OPCML: variants seen among roughly 807,000 people sequenced by gnomAD.
The protein encoded by OPCML is opioid-binding protein/cell adhesion molecule.
In OPCML, 13 loss-of-function variants were observed where a neutral mutation model predicts 37.8. The observed-to-expected ratio is 0.34, with a 90% CI of 0.22 to 0.55. The LOEUF (loss-of-function observed/expected upper bound fraction) is 0.55, where lower values mean the gene tolerates loss of function less well. Ranked by LOEUF, OPCML falls within the 20% of genes least tolerant of loss-of-function variation. OPCML has a pLI of 0.91. For synonymous variants in OPCML, 176 were observed against 168.8 expected (o/e 1.04, Z -0.33); for missense variants, 341 against 435.6 (o/e 0.78, Z 1.93).
intron 2 of OPCML, among the ~76,000 whole-genome samples, chr11:132,921,772 T>C (rs140902928): frequency 0.017 from 2,612 of 152,330 alleles, 45 homozygotes; most frequent in Middle Eastern, 0.048. Flanking sequence ...TGCAGTCATC[T>C]TGTAGCCATA....
chr11:133,078,681 G>T (rs1357823884), intron 1 of OPCML, among the ~76,000 whole-genome samples: 1 of 152,122 alleles, frequency 6.6e-6, no homozygotes, highest in Admixed American at 6.5e-5. Flanking sequence ...TAAGGTTCTG[G>T]GATGCACCAC....
chr11:133,351,012 C>A (rs1319874260), intron 1 of OPCML, among the ~76,000 whole-genome samples: 1 of 152,080 alleles, frequency 6.6e-6, no homozygotes, highest in Non-Finnish European at 1.5e-5. Context: ...GTCTCTATCT[C>A]CATAAAATTA....
intron 1 of OPCML, among the ~76,000 whole-genome samples, chr11:133,149,587 C>G (rs184770206): frequency 1.3e-5 from 2 of 152,306 alleles, no homozygotes; most frequent in Non-Finnish European, 2.9e-5. Flanking sequence ...CCCACCCGCA[C>G]GCTTGATGTT....
chr11:133,286,283 T>C (rs1447564925), intron 1 of OPCML, among the ~76,000 whole-genome samples: 1 of 151,860 alleles, frequency 6.6e-6, no homozygotes, highest in African/African-American at 2.4e-5. Flanking sequence ...AACCCGTCTC[T>C]ACTAAAAATA....
At chr11:132,621,192 C>T (rs76704835) in intron 3 of OPCML, among the ~76,000 whole-genome samples, 16,926 of 152,168 alleles carry the variant, frequency 0.11, 1,587 homozygotes, top group African/African-American at 0.24. Flanking sequence ...TTAAGTGAAA[C>T]GTTCAAATAT....
chr11:132,640,269 C>T (rs888221986), intron 3 of OPCML, among the ~76,000 whole-genome samples: 3 of 152,128 alleles, frequency 2.0e-5, no homozygotes, highest in African/African-American at 7.2e-5. Flanking sequence ...GGACTGCAAA[C>T]ATCAGTGCGT....
At position 133,076,155 on chromosome 11, in the gene OPCML, G is replaced by T. The variant is rs937055061; in HGVS notation, c.62-133145C>A. Among the ~76,000 whole-genome samples the T allele has an allele frequency of 7.2e-5, 11 of 151,918 alleles. No individual in the cohort carries two copies. The East Asian group carries it at 2.1e-3, about 29-fold the overall frequency. Reference sequence around the variant, plus strand: ...TTTTTTTCATACAATAGGGTGGTGGGATATGTATTATTTTGTACTTCATTT... The same window carrying T: ...TTTTTTTCATACAATAGGGTGGTGGTATATGTATTATTTTGTACTTCATTT... On this transcript the variant is annotated intron_variant, in intron 1 of 7. Transcript: ENST00000524381.
chr11:133,423,646 G>A (rs1565626487), intron 1 of OPCML, among the ~76,000 whole-genome samples: 1 of 152,222 alleles, frequency 6.6e-6, no homozygotes. Flanking sequence ...AATTCTCAGT[G>A]TTATTTGTGG....
chr11:133,204,058 C>CAAAAAAAAAAAA (rs58343203), intron 1 of OPCML, among the ~76,000 whole-genome samples: 22 of 66,494 alleles, frequency 3.3e-4, no homozygotes, highest in Non-Finnish European at 4.1e-4. Context: ...GACTCTGTCT[C>CAAAAAAAAAAAA]AAAAAAAAAA....
chr11:133,372,732 G>C (rs551153833), intron 1 of OPCML, among the ~76,000 whole-genome samples: 2 of 152,282 alleles, frequency 1.3e-5, no homozygotes, highest in Admixed American at 6.5e-5. Context: ...AAGACTCACT[G>C]AGTTCCCTAA....
At chr11:133,078,402 G>A (rs561986385) in intron 1 of OPCML, among the ~76,000 whole-genome samples, 101 of 152,298 alleles carry the variant, frequency 6.6e-4, no homozygotes, top group Non-Finnish European at 1.2e-3. Context: ...CACTGCATGT[G>A]TGCAGGGACT....
intron 4 of OPCML, among the ~76,000 whole-genome samples, chr11:132,516,615 T>C (rs2096280389): frequency 6.6e-6 from 1 of 152,116 alleles, no homozygotes; most frequent in African/African-American, 2.4e-5. Context: ...GGGTGGAGCA[T>C]ATCATCCCAA....
rs1185203209 is a variant in OPCML, at chr11:132,418,813, G to A, written c.*1380C>T. On this transcript the variant is annotated 3_prime_UTR_variant, in exon 8 of 8. Transcript: ENST00000524381. ...TTGCTGCTAAGGAAAGCCAGCCATA[G>A]GTTCCTGACATGTACTTTCTTGAAG... 6.6e-6 allele frequency: 1 copy of A among 152,594 alleles called. No homozygotes were observed. Among genetic ancestry groups the A allele is most frequent in the African/African-American group, 2.4e-5 (1 of 41,450 alleles). 9.5% of individuals were successfully genotyped at this position (152,594 alleles called of 1,614,324 possible).
intron 1 of OPCML, among the ~76,000 whole-genome samples, chr11:133,396,297 T>C (rs1945284975): frequency 2.0e-5 from 3 of 152,200 alleles, no homozygotes; most frequent in Admixed American, 2.0e-4. Context: ...TAATAGTTTT[T>C]TGGCAGAGTC....
intron 1 of OPCML, among the ~76,000 whole-genome samples, chr11:133,338,240 G>A (rs1232475438): frequency 6.6e-6 from 1 of 152,044 alleles, no homozygotes; most frequent in African/African-American, 2.4e-5. Flanking sequence ...TCTCAGAGGT[G>A]ATATCAAAAA....
At chr11:132,601,203 G>T (rs1460527139) in intron 3 of OPCML, among the ~76,000 whole-genome samples, 1 of 152,104 alleles carries the variant, frequency 6.6e-6, no homozygotes, top group East Asian at 1.9e-4. Context: ...GCTGTGAAAT[G>T]GTTTCTCCTG....
At chr11:133,236,657 C>A (rs899140704) in intron 1 of OPCML, among the ~76,000 whole-genome samples, 1 of 152,228 alleles carries the variant, frequency 6.6e-6, no homozygotes, top group African/African-American at 2.4e-5. Flanking sequence ...CACAATTTAG[C>A]CTAAATATTT....
intron 4 of OPCML, among the ~76,000 whole-genome samples, chr11:132,497,719 A>T (rs985280522): frequency 6.6e-6 from 1 of 152,178 alleles, no homozygotes; most frequent in Non-Finnish European, 1.5e-5. Context: ...GGGAATAATG[A>T]TAGAACAAGA....
rs1191392919 is a variant in OPCML at position 133,229,734 on chromosome 11, GAGTATATTCCCTGA to G, written c.62-286738_62-286725del. Among the ~76,000 whole-genome samples, 52 of 152,318 alleles carry G rather than the reference GAGTATATTCCCTGA, an allele frequency of 3.4e-4. 1 individual carries two copies. The highest frequency in any genetic ancestry group is 1.2e-3 in the African/African-American group (51 of 41,574). ...CTTCAGGCATCCTCTGGGGGGCTTG[GAGTATATTCCCTGA>G]GGGTAAGGGGGAACTGCTGGACAAG... On this transcript the variant is annotated intron_variant, in intron 1 of 7. Transcript: ENST00000524381.
Sources: gnomAD v4.1 joint callset for allele counts (sites outside exome capture counted in the v4.1 genomes callset) on GRCh38, gnomAD v4.1.1 for gene constraint, MANE v1.5 for transcripts, NCBI Gene and HGNC (gene_info 2026-07-23, HGNC 2026-07-21) for gene names.